The following TNKS variants were observed in gnomAD, a reference collection of about 807,000 sequenced individuals.
TNKS encodes the protein tankyrase.
Under a neutral mutation model 135.8 loss-of-function variants are expected in TNKS, and 72 were observed. The observed-to-expected ratio is 0.53, with a 90% CI of 0.44 to 0.64. The LOEUF is 0.64. TNKS is among the 30% of genes least tolerant of loss of function. The pLI, the probability that TNKS is intolerant of heterozygous loss-of-function variation, is 0.00. For missense variants in TNKS, 1,769 were observed against 1,674.0 expected (o/e 1.06, Z -0.99); for synonymous variants, 849 against 649.3 (o/e 1.31, Z -4.68).
At chr8:9,652,616 C>T (rs2128781815) in intron 3 of TNKS, among the ~76,000 whole-genome samples, 1 of 152,208 alleles carries the variant, frequency 6.6e-6, no homozygotes, top group East Asian at 1.9e-4. Context: ...TAATTCTTTT[C>T]ATCAAAATTT....
intron 17 of TNKS, among the ~76,000 whole-genome samples, chr8:9,740,432 G>T (rs1033115099): frequency 6.6e-6 from 1 of 152,058 alleles, no homozygotes; most frequent in Admixed American, 6.6e-5. Context: ...TCCTCCTACC[G>T]CCTTCTCCCT....
Position 9,706,111 on chromosome 8 carries a change from ATTT to A in TNKS, c.1203-74_1203-72del, listed in dbSNP as rs1365333490. Reference sequence around the variant, plus strand: ...AAATAATTGTATTGGGATTTATTGGATTTTATTTCTTAGTACGACATGGATAAA... The same window carrying A: ...AAATAATTGTATTGGGATTTATTGGATATTTCTTAGTACGACATGGATAAA... On this transcript the variant is annotated intron_variant, in intron 6 of 26. Coordinates refer to ENST00000310430, the MANE Select transcript of TNKS (RefSeq NM_003747.3). 9 of 986,220 alleles carry A rather than the reference ATTT, an allele frequency of 9.1e-6. No individual in the cohort carries two copies. In the African/African-American group the frequency reaches 1.4e-4, roughly 15 times the overall value. The allele number at this position is 986,220 out of a possible 1,614,324, so 61.1% of individuals were successfully genotyped here.
In TNKS at chr8:9,595,108, T is replaced by C. The variant is rs982570752; in HGVS notation, c.898+14725T>C. Among the ~76,000 whole-genome samples the C allele has an allele frequency of 1.5e-4, 23 of 151,732 alleles. 1 individual carries two copies. The stretch of plus-strand genomic sequence containing the variant: ...CTGCATTTTTACCATTAGTTGTCCA[T>C]ATAAAACCTGAATTGGTATTTTTTT... On this transcript the variant is annotated intron_variant, in intron 2 of 26. Transcript: ENST00000310430.
chr8:9,618,798 T>A (rs1438701329), intron 3 of TNKS, among the ~76,000 whole-genome samples: 2 of 152,154 alleles, frequency 1.3e-5, no homozygotes, highest in African/African-American at 4.8e-5. Flanking sequence ...AGAGATAACA[T>A]TTTGGTGTAC....
Position 9,710,188 on chromosome 8 carries a change from G to A in TNKS, c.1717G>A (p.Val573Ile), listed in dbSNP as rs201355239. The A allele has an allele frequency of 5.0e-6, 8 of 1,614,126 alleles. No homozygotes were observed. The highest frequency in any genetic ancestry group is 1.1e-5 in the South Asian group (1 of 91,094). ...HVAAERAHNDVMEVLHKHGAK... is the reference protein window; with the variant it reads ...HVAAERAHNDIMEVLHKHGAK... Reference sequence around the variant, plus strand: ...TGCAGCCGAAAGAGCCCATAATGATGTCATGGAAGTTCTGCATAAGCATGG... The same window carrying A: ...TGCAGCCGAAAGAGCCCATAATGATATCATGGAAGTTCTGCATAAGCATGG... Residue 573 changes from valine (V) to isoleucine (I), a missense_variant, in exon 11 of 27, where the codon GTC becomes ATC. By Grantham distance (29) the Val-to-Ile change is conservative. Coordinates refer to ENST00000310430, the MANE Select transcript of TNKS (RefSeq NM_003747.3).
chr8:9,764,295 G>T lies in TNKS; in HGVS notation c.3373-421G>T, dbSNP rs141395916. Among the ~76,000 whole-genome samples, 57 of 152,060 alleles carry T rather than the reference G, an allele frequency of 3.7e-4. No individual in the cohort carries two copies. In the East Asian group the frequency reaches 9.1e-3, roughly 24 times the overall value. ...ATATACTTAGAGATCCCAAGCTGAA[G>T]ACTATTGAGATAATATGGAATATTT... On this transcript the variant is annotated intron_variant, in intron 22 of 26. Transcript: ENST00000310430.
chr8:9,566,341 C>T (rs546315725), intron 1 of TNKS: 21 of 152,140 alleles, frequency 1.4e-4, no homozygotes, highest in African/African-American at 4.8e-4. Flanking sequence ...TTGTCTGCCT[C>T]CTCCTTCTCC....
At chr8:9,710,864 C>G (rs1222227990) in intron 11 of TNKS, among the ~76,000 whole-genome samples, 1 of 152,078 alleles carries the variant, frequency 6.6e-6, no homozygotes, top group African/African-American at 2.4e-5. Context: ...CCACTACACT[C>G]CAGCCTGGGA....
chr8:9,590,652 A>G (rs1345975088), intron 2 of TNKS, among the ~76,000 whole-genome samples: 1 of 152,074 alleles, frequency 6.6e-6, no homozygotes, highest in African/African-American at 2.4e-5. Context: ...TTTTAATTGC[A>G]TTTGCCTGAT....
chr8:9,589,090 C>T (rs1288222920), intron 2 of TNKS, among the ~76,000 whole-genome samples: 1 of 152,110 alleles, frequency 6.6e-6, no homozygotes, highest in African/African-American at 2.4e-5. Context: ...TTTCCCTGCT[C>T]CCACTGAACC....
At chr8:9,732,772 A>ACATCGT (rs1805508761) in intron 14 of TNKS, among the ~76,000 whole-genome samples, 1 of 152,156 alleles carries the variant, frequency 6.6e-6, no homozygotes, top group Non-Finnish European at 1.5e-5. Context: ...CTTATAGTTG[A>ACATCGT]CATCGTCATT....
intron 3 of TNKS, among the ~76,000 whole-genome samples, chr8:9,637,131 C>A (rs1235938042): frequency 6.6e-6 from 1 of 152,078 alleles, no homozygotes; most frequent in African/African-American, 2.4e-5. Flanking sequence ...TATGAGTTAT[C>A]GTTCTAGATA....
chr8:9,759,564 A>T (rs939307541), intron 20 of TNKS, among the ~76,000 whole-genome samples: 5 of 152,200 alleles, frequency 3.3e-5, no homozygotes, highest in African/African-American at 9.6e-5. Flanking sequence ...GAGCTATAAA[A>T]TGAATAAATA....
At chr8:9,573,235 A>G (rs1030367319) in intron 1 of TNKS, among the ~76,000 whole-genome samples, 1 of 152,238 alleles carries the variant, frequency 6.6e-6, no homozygotes, top group Admixed American at 6.5e-5. Context: ...TGAGCAAAGA[A>G]TGATTGGTGA....
intron 5 of TNKS, among the ~76,000 whole-genome samples, chr8:9,689,904 A>C (rs953993185): frequency 6.6e-6 from 1 of 152,208 alleles, no homozygotes; most frequent in African/African-American, 2.4e-5. Context: ...TCTTTCCAGA[A>C]GACCTCTATC....
chr8:9,574,045 C>A (rs1034970783), intron 1 of TNKS, among the ~76,000 whole-genome samples: 1 of 152,122 alleles, frequency 6.6e-6, no homozygotes, highest in Non-Finnish European at 1.5e-5. Flanking sequence ...TTAATCAACT[C>A]TTTGCTATTA....
chr8:9,759,381 C>T (rs1007987374), intron 20 of TNKS, among the ~76,000 whole-genome samples: 4 of 152,210 alleles, frequency 2.6e-5, no homozygotes, highest in Non-Finnish European at 5.9e-5. Flanking sequence ...GTCTGTCTCA[C>T]ACGGGGAAGG....
chr8:9,692,202 C>G (rs1803306596), intron 5 of TNKS, among the ~76,000 whole-genome samples: 2 of 152,168 alleles, frequency 1.3e-5, no homozygotes, highest in South Asian at 4.1e-4. Flanking sequence ...CCGGCCAACT[C>G]CCCTCTCAAG....
At chr8:9,734,153 C>G (rs1209567867) in intron 15 of TNKS, among the ~76,000 whole-genome samples, 1 of 151,960 alleles carries the variant, frequency 6.6e-6, no homozygotes, top group Admixed American at 6.5e-5. Flanking sequence ...ATATCTGATA[C>G]TCATTTTTAT....
Sources: allele counts gnomAD v4.1 joint callset (sites outside exome capture counted in the v4.1 genomes callset), GRCh38; gene constraint gnomAD v4.1.1; transcripts MANE v1.5; gene names NCBI Gene and HGNC (gene_info 2026-07-23, HGNC 2026-07-21).